Variants in SV2C observed in about 807,000 individuals in gnomAD.
SV2C encodes the protein solute carrier family 22 member B3.
In SV2C, 49 loss-of-function variants were observed where a neutral mutation model predicts 79.7. The observed-to-expected ratio is 0.61, with a 90% CI of 0.49 to 0.78. The LOEUF is 0.78. Ranked by LOEUF, SV2C falls within the 30% of genes least tolerant of loss-of-function variation. The pLI is 0.00. For missense variants in SV2C, 833 were observed against 912.9 expected (o/e 0.91, Z 1.13); for synonymous variants, 334 against 333.2 (o/e 1.00, Z -0.03).
chr5:76,159,999 A>G lies in SV2C; in HGVS notation c.580+27669A>G, dbSNP rs186916475. On this transcript the variant is annotated intron_variant, in intron 2 of 12. Coordinates refer to ENST00000502798, the MANE Select transcript of SV2C (RefSeq NM_014979.4). ...AATAGTATTAAAAAATAAAATACTT[A>G]GGAATAATTTTAATAAATAAATACT... Among the ~76,000 whole-genome samples, 34 of 152,162 alleles carry G rather than the reference A, an allele frequency of 2.2e-4. No individual in the cohort carries two copies. In the East Asian group the frequency reaches 4.8e-3, roughly 22 times the overall value.
chr5:76,231,887 G>A (rs1458089613), intron 4 of SV2C, among the ~76,000 whole-genome samples: 11 of 145,264 alleles, frequency 7.6e-5, no homozygotes, highest in South Asian at 2.1e-4. Flanking sequence ...GAATAATGCC[G>A]CAATAAACAT....
At chr5:75,969,254 G>T in the SV2C span, among the ~76,000 whole-genome samples, 1 of 152,146 alleles carries the variant, frequency 6.6e-6, no homozygotes, top group Non-Finnish European at 1.5e-5. Context: ...AGCCTAGGAA[G>T]AAAATGCATC....
the SV2C span, among the ~76,000 whole-genome samples, chr5:76,012,447 G>T: frequency 6.6e-6 from 1 of 152,206 alleles, no homozygotes; most frequent in Admixed American, 6.5e-5. Context: ...CCCACTTTTC[G>T]ATGGGGTTGT....
intron 12 of SV2C, among the ~76,000 whole-genome samples, chr5:76,319,866 G>A (rs540974931): frequency 6.6e-6 from 1 of 152,314 alleles, no homozygotes; most frequent in Non-Finnish European, 1.5e-5. Context: ...TCAGCATTGA[G>A]AGACTTCTTC....
intron 2 of SV2C, among the ~76,000 whole-genome samples, chr5:76,156,266 T>C (rs925729040): frequency 7.2e-5 from 11 of 152,176 alleles, no homozygotes; most frequent in African/African-American, 2.7e-4. Flanking sequence ...GCCAAAGCCC[T>C]ATTAGGGTAG....
At chr5:75,867,325 C>A in the SV2C span, among the ~76,000 whole-genome samples, 2 of 152,102 alleles carry the variant, frequency 1.3e-5, no homozygotes, top group Non-Finnish European at 2.9e-5. Flanking sequence ...GAGCCAATAC[C>A]CAACACAAGA....
At chr5:75,933,385 T>A in the SV2C span, among the ~76,000 whole-genome samples, 1 of 152,216 alleles carries the variant, frequency 6.6e-6, no homozygotes, top group Non-Finnish European at 1.5e-5. Flanking sequence ...GTTTGCCAGT[T>A]TGTATCAATT....
At chr5:76,222,516 A>G (rs1745096819) in intron 4 of SV2C, among the ~76,000 whole-genome samples, 1 of 152,162 alleles carries the variant, frequency 6.6e-6, no homozygotes, top group African/African-American at 2.4e-5. Flanking sequence ...CGTTGACGTC[A>G]TAGTTGAGTG....
the SV2C span, among the ~76,000 whole-genome samples, chr5:75,939,228 C>T: frequency 6.6e-6 from 1 of 152,128 alleles, no homozygotes; most frequent in Non-Finnish European, 1.5e-5. Flanking sequence ...GTAGTTTAAG[C>T]AACAGGTGTT....
intron 1 of SV2C, among the ~76,000 whole-genome samples, chr5:76,105,304 A>G (rs1006280362): frequency 2.0e-5 from 3 of 152,142 alleles, no homozygotes; most frequent in African/African-American, 7.2e-5. Context: ...CCACACTATC[A>G]GAGGACACAT....
chr5:76,000,841 C>T, the SV2C span, among the ~76,000 whole-genome samples: 37 of 152,234 alleles, frequency 2.4e-4, no homozygotes, highest in African/African-American at 8.4e-4. Flanking sequence ...CACCTCCCTT[C>T]TCTCCCCTTC....
At chr5:75,913,860 A>T in the SV2C span, among the ~76,000 whole-genome samples, 1 of 152,176 alleles carries the variant, frequency 6.6e-6, no homozygotes, top group Non-Finnish European at 1.5e-5. Flanking sequence ...GCTAAGCTAT[A>T]TTTCAGCCTT....
the SV2C span, among the ~76,000 whole-genome samples, chr5:75,902,258 A>C: frequency 1.3e-5 from 2 of 152,154 alleles, no homozygotes; most frequent in Non-Finnish European, 2.9e-5. Flanking sequence ...GTTCTTAACC[A>C]CTTGCTTTTG....
intron 12 of SV2C, among the ~76,000 whole-genome samples, chr5:76,347,140 T>C (rs1039749877): frequency 7.2e-5 from 11 of 152,198 alleles, no homozygotes; most frequent in Admixed American, 3.9e-4. Flanking sequence ...CTCAGCCAAA[T>C]TGACGGCACG....
chr5:76,040,971 C>T, the SV2C span, among the ~76,000 whole-genome samples: 1 of 152,096 alleles, frequency 6.6e-6, no homozygotes, highest in African/African-American at 2.4e-5. Flanking sequence ...TAAAAATTAC[C>T]ACTGTCAAGT....
chr5:75,889,060 G>A, the SV2C span, among the ~76,000 whole-genome samples: 1 of 152,100 alleles, frequency 6.6e-6, no homozygotes, highest in East Asian at 1.9e-4. Context: ...GTTATATTAA[G>A]TTAGTTCCAC....
the SV2C span, among the ~76,000 whole-genome samples, chr5:75,894,404 C>T: frequency 0.02 from 3,108 of 152,128 alleles, 118 homozygotes; most frequent in African/African-American, 0.071. Flanking sequence ...TTGCCCTATT[C>T]TGATCCTGTT....
intron 4 of SV2C, among the ~76,000 whole-genome samples, chr5:76,279,891 G>A (rs1747129773): frequency 1.3e-5 from 2 of 152,122 alleles, no homozygotes; most frequent in African/African-American, 4.8e-5. Context: ...CGTCCTTGAG[G>A]GAAAGAGAAG....
At chr5:76,232,945 C>T (rs1246951759) in intron 4 of SV2C, among the ~76,000 whole-genome samples, 2 of 141,954 alleles carry the variant, frequency 1.4e-5, no homozygotes, top group Non-Finnish European at 3.0e-5. Context: ...TCCATATGAA[C>T]TTTCAAGTAG....
Sources: gnomAD v4.1 joint callset for allele counts (sites outside exome capture counted in the v4.1 genomes callset) on GRCh38, gnomAD v4.1.1 for gene constraint, MANE v1.5 for transcripts, NCBI Gene and HGNC (gene_info 2026-07-23, HGNC 2026-07-21) for gene names.